MAPK8: variants seen among roughly 807,000 people sequenced by gnomAD.
MAPK8 encodes JUN N-terminal kinase.
MAPK8 carries 13 observed loss-of-function variants against 52.9 expected under a neutral mutation model. The ratio of observed to expected loss-of-function variants is 0.25; its 90% CI spans 0.16 to 0.39. MAPK8 has a LOEUF of 0.39. Among genes scored for constraint, MAPK8 ranks in the 10% least tolerant of loss-of-function variants. The probability of loss-of-function intolerance (pLI) is 1.00; values close to 1 mark genes in which losing one functional copy is unlikely to be tolerated. For synonymous variants in MAPK8, 191 were observed against 169.8 expected (o/e 1.12, Z -0.97); for missense variants, 300 against 519.2 (o/e 0.58, Z 4.10).
chr10:48,352,960 G>T (rs897404418), intron 1 of MAPK8, among the ~76,000 whole-genome samples: 1 of 152,070 alleles, frequency 6.6e-6, no homozygotes, highest in Non-Finnish European at 1.5e-5. Flanking sequence ...AGCAATGAAC[G>T]TGTGAAAACC....
chr10:48,434,857 T>C, intron 11 of MAPK8, 27 bp from the exon 12 acceptor site: 10 of 1,584,352 alleles, frequency 6.3e-6, no homozygotes, highest in Non-Finnish European at 8.6e-6. Flanking sequence ...CTGCAACTGA[T>C]TTGCTGTTTT....
At chr10:48,371,832 G>A (rs1451903361) in intron 1 of MAPK8, among the ~76,000 whole-genome samples, 3 of 152,092 alleles carry the variant, frequency 2.0e-5, no homozygotes, top group African/African-American at 7.2e-5. Flanking sequence ...CGCTCCTTGG[G>A]TTCGATTAAT....
At chr10:48,334,069 G>A (rs950137098) in intron 1 of MAPK8, among the ~76,000 whole-genome samples, 1 of 152,194 alleles carries the variant, frequency 6.6e-6, no homozygotes, top group Non-Finnish European at 1.5e-5. Flanking sequence ...CTTTGCTGGG[G>A]CCTGCACCTT....
chr10:48,434,516 AAG>A (rs2044675416), intron 11 of MAPK8, among the ~76,000 whole-genome samples: 1 of 152,248 alleles, frequency 6.6e-6, no homozygotes, highest in Admixed American at 6.5e-5. Flanking sequence ...TGTCCAAAAA[AAG>A]GCATTACAGA....
chr10:48,403,686 CAGTATT>C (rs2042280597), intron 2 of MAPK8, among the ~76,000 whole-genome samples: 1 of 151,930 alleles, frequency 6.6e-6, no homozygotes, highest in East Asian at 1.9e-4. Flanking sequence ...ATTATATAGT[CAGTATT>C]AGGATTCTGA....
intron 1 of MAPK8, chr10:48,307,025 G>C (rs981741242): frequency 6.6e-6 from 1 of 151,932 alleles, no homozygotes; most frequent in Non-Finnish European, 1.5e-5. Flanking sequence ...GGGGCTGCGG[G>C]ACCTGGGTGC....
At chr10:48,357,775 T>C (rs1589056037) in intron 1 of MAPK8, among the ~76,000 whole-genome samples, 1 of 152,226 alleles carries the variant, frequency 6.6e-6, no homozygotes, top group African/African-American at 2.4e-5. Context: ...TTTAGAATGT[T>C]GTGCATCCGT....
intron 1 of MAPK8, among the ~76,000 whole-genome samples, chr10:48,365,208 T>C (rs1012487565): frequency 8.5e-5 from 13 of 152,314 alleles, no homozygotes; most frequent in Non-Finnish European, 1.8e-4. Context: ...TGTTTGCCAG[T>C]GTTCTTAAGG....
At chr10:48,388,467 A>T (rs928825474) in intron 1 of MAPK8, among the ~76,000 whole-genome samples, 27 of 152,170 alleles carry the variant, frequency 1.8e-4, no homozygotes, top group Admixed American at 1.7e-3. Context: ...AGAGGGAAGT[A>T]GTATGCCCCT....
chr10:48,349,546 GA>G (rs1196914061), intron 1 of MAPK8, among the ~76,000 whole-genome samples: 1 of 152,192 alleles, frequency 6.6e-6, no homozygotes, highest in Non-Finnish European at 1.5e-5. Flanking sequence ...AATTAAGGCA[GA>G]AGTAAATAAG....
intron 1 of MAPK8, among the ~76,000 whole-genome samples, chr10:48,335,299 C>T (rs1844580515): frequency 6.6e-6 from 1 of 151,942 alleles, no homozygotes; most frequent in Non-Finnish European, 1.5e-5. Flanking sequence ...AGTTTAAGTG[C>T]TCACTTCTGT....
intron 2 of MAPK8, among the ~76,000 whole-genome samples, chr10:48,404,363 G>A (rs1300592928): frequency 6.8e-6 from 1 of 146,552 alleles, no homozygotes; most frequent in East Asian, 2.1e-4. Flanking sequence ...TCACTGTGTT[G>A]GCCAGGATGG....
intron 1 of MAPK8, among the ~76,000 whole-genome samples, chr10:48,361,274 T>C (rs766869601): frequency 3.3e-5 from 5 of 152,186 alleles, no homozygotes; most frequent in African/African-American, 7.2e-5. Context: ...AGTGTTTTTA[T>C]CTTTTTGCTT....
At chr10:48,405,317 C>G (rs2042404965) in intron 3 of MAPK8, among the ~76,000 whole-genome samples, 1 of 152,238 alleles carries the variant, frequency 6.6e-6, no homozygotes, top group African/African-American at 2.4e-5. Context: ...ATTTAGAAAA[C>G]TGTAGCATTA....
intron 1 of MAPK8, among the ~76,000 whole-genome samples, chr10:48,352,785 G>A (rs1359414553): frequency 6.6e-6 from 1 of 152,128 alleles, no homozygotes; most frequent in African/African-American, 2.4e-5. Flanking sequence ...ACAAGCGGGG[G>A]GAAAGCCCTG....
chr10:48,325,664 A>G (rs1054838687), intron 1 of MAPK8, among the ~76,000 whole-genome samples: 1 of 152,240 alleles, frequency 6.6e-6, no homozygotes, highest in South Asian at 2.1e-4. Context: ...AAGTATTGGT[A>G]CATTATTAAC....
intron 1 of MAPK8, among the ~76,000 whole-genome samples, chr10:48,316,131 TTG>T (rs1458524895): frequency 6.6e-6 from 1 of 152,242 alleles, no homozygotes; most frequent in African/African-American, 2.4e-5. Flanking sequence ...TGTGTCTTAT[TTG>T]ATGATACAGT....
At chr10:48,359,001 CT>C (rs1158502254) in intron 1 of MAPK8, among the ~76,000 whole-genome samples, 1 of 152,168 alleles carries the variant, frequency 6.6e-6, no homozygotes, top group African/African-American at 2.4e-5. Flanking sequence ...GTTTTTATTA[CT>C]GTTACTGTGT....
intron 3 of MAPK8, among the ~76,000 whole-genome samples, chr10:48,407,526 T>C (rs757962929): frequency 6.6e-6 from 1 of 152,226 alleles, no homozygotes; most frequent in Non-Finnish European, 1.5e-5. Flanking sequence ...CTGTCCAGTC[T>C]ATAACTGATA....
Sources: allele counts gnomAD v4.1 joint callset (sites outside exome capture counted in the v4.1 genomes callset), GRCh38; gene constraint gnomAD v4.1.1; transcripts MANE v1.5; gene names NCBI Gene and HGNC (gene_info 2026-07-23, HGNC 2026-07-21).